CEP55: variants seen among roughly 807,000 people sequenced by gnomAD.
The protein encoded by CEP55 is centrosomal protein 55.
CEP55 carries 57 observed loss-of-function variants against 63.2 expected under a neutral mutation model. That is an observed-to-expected ratio of 0.90 (90% CI 0.73 to 1.13). The LOEUF (loss-of-function observed/expected upper bound fraction) is 1.13, where lower values mean the gene tolerates loss of function less well. Among genes scored for constraint, CEP55 ranks in the 50% most tolerant of loss-of-function variants. The probability of loss-of-function intolerance (pLI) is 0.00; values close to 1 mark genes in which losing one functional copy is unlikely to be tolerated. For missense variants in CEP55, 456 were observed against 518.9 expected (o/e 0.88, Z 1.18); for synonymous variants, 178 against 191.6 (o/e 0.93, Z 0.59).
intron 8 of CEP55, among the ~76,000 whole-genome samples, chr10:93,525,203 C>T (rs2057908850): frequency 6.6e-6 from 1 of 152,050 alleles, no homozygotes; most frequent in Admixed American, 6.6e-5. Context: ...ATCATCTCAG[C>T]CCAAAATCTC....
intron 1 of CEP55, among the ~76,000 whole-genome samples, chr10:93,497,170 T>C (rs2057578011): frequency 6.6e-6 from 1 of 152,272 alleles, no homozygotes; most frequent in Admixed American, 6.5e-5. Context: ...CGGCTTGTAA[T>C]TGAGGCCTTG....
chr10:93,504,819 A>AT (rs1564762037), intron 3 of CEP55, among the ~76,000 whole-genome samples: 1 of 152,062 alleles, frequency 6.6e-6, no homozygotes, highest in African/African-American at 2.4e-5. Flanking sequence ...ATTTTTATTT[A>AT]TTTTTTATTT....
chr10:93,527,912 C>A, intron 8 of CEP55, 38 bp from the exon 9 acceptor site: 1 of 1,557,718 alleles, frequency 6.4e-7, no homozygotes, highest in South Asian at 1.2e-5. Flanking sequence ...AACATTGGCC[C>A]TATTTACAAA....
At chr10:93,519,081 T>C in intron 7 of CEP55, 133 bp downstream of exon 7, 3 of 592,218 alleles carry the variant, frequency 5.1e-6, no homozygotes, top group African/African-American at 3.7e-5. Flanking sequence ...AATAAAAGTC[T>C]TTCTTCTTCA....
At chr10:93,516,198 T>G (rs1192315642) in intron 5 of CEP55, among the ~76,000 whole-genome samples, 11 of 152,192 alleles carry the variant, frequency 7.2e-5, no homozygotes, top group South Asian at 2.1e-4. Context: ...CTTAAAAGAC[T>G]GACAGTTTGG....
rs1229391185 is a variant in CEP55 at position 93,528,619 on chromosome 10, A to T, written c.*466A>T. ...GTCCATTGTTAAGAGGTGGTGATAG[A>T]TACTATTTTTTTTTTCATATTGTAT... On this transcript the variant is annotated 3_prime_UTR_variant, in exon 9 of 9. Coordinates refer to ENST00000371485, the MANE Select transcript of CEP55 (RefSeq NM_018131.5). 3 of 159,554 alleles carry T rather than the reference A, an allele frequency of 1.9e-5. No individual in the cohort carries two copies. Among genetic ancestry groups the T allele is most frequent in the African/African-American group, 7.3e-5 (3 of 41,260 alleles). 9.9% of individuals were successfully genotyped at this position (159,554 alleles called of 1,614,324 possible). A position where few individuals can be genotyped will look rare whatever the true frequency, so the allele number is the denominator to read the frequency against.
intron 1 of CEP55, among the ~76,000 whole-genome samples, chr10:93,498,282 C>A (rs1316545230): frequency 6.6e-6 from 1 of 152,134 alleles, no homozygotes; most frequent in Non-Finnish European, 1.5e-5. Context: ...GCCAGAGTTT[C>A]TGTGCAAAGG....
At chr10:93,515,228 C>T (rs768145052) in intron 4 of CEP55, among the ~76,000 whole-genome samples, 177 bp from the exon 5 acceptor site, 3 of 152,154 alleles carry the variant, frequency 2.0e-5, no homozygotes, top group African/African-American at 4.8e-5. Flanking sequence ...ACATAAACTA[C>T]GATGGTGTCA....
intron 1 of CEP55, among the ~76,000 whole-genome samples, chr10:93,497,669 G>GA (rs936092806): frequency 8.2e-6 from 1 of 121,236 alleles, no homozygotes; most frequent in African/African-American, 3.1e-5. Flanking sequence ...TTGAACAATT[G>GA]AAAAAATAAA....
At chr10:93,518,095 G>A (rs2057822226) in intron 6 of CEP55, among the ~76,000 whole-genome samples, 1 of 152,150 alleles carries the variant, frequency 6.6e-6, no homozygotes, top group Non-Finnish European at 1.5e-5. Flanking sequence ...AGTTGAGGGT[G>A]CTGGTGATGG....
chr10:93,513,895 C>T (rs2057774949), intron 4 of CEP55, among the ~76,000 whole-genome samples: 1 of 151,892 alleles, frequency 6.6e-6, no homozygotes, highest in Non-Finnish European at 1.5e-5. Context: ...AGGGCTCACC[C>T]TACTCCAGTA....
Position 93,500,336 on chromosome 10 carries a change from G to T in CEP55, c.183+102G>T, listed in dbSNP as rs536950670. The T allele has an allele frequency of 5.4e-5, 53 of 989,056 alleles. 1 individual carries two copies. The South Asian group carries it at 8.2e-4, about 15-fold the overall frequency. The allele number at this position is 989,056 out of a possible 1,614,324, so 61.3% of individuals were successfully genotyped here. On this transcript the variant is annotated intron_variant, in intron 2 of 8. Coordinates refer to ENST00000371485, the MANE Select transcript of CEP55 (RefSeq NM_018131.5). Reference sequence around the variant, plus strand: ...TTACTCTTGCCGTGTTCCCTGTCTTGTCCAGTTGATTAGTTTTGGAAAGCT... The same window carrying T: ...TTACTCTTGCCGTGTTCCCTGTCTTTTCCAGTTGATTAGTTTTGGAAAGCT...
intron 4 of CEP55, among the ~76,000 whole-genome samples, chr10:93,508,019 TTTGGTTTGAATACTTCTC>T (rs1467328567): frequency 6.6e-6 from 1 of 152,230 alleles, no homozygotes; most frequent in Non-Finnish European, 1.5e-5. Flanking sequence ...AGATGCTCTC[TTTGGTTTGAATACTTCTC>T]TTGAAACTAA....
At position 93,503,182 on chromosome 10, in the gene CEP55, C is replaced by T; in HGVS notation, c.253C>T (p.Gln85Ter). The T allele has an allele frequency of 1.2e-6, 2 of 1,613,992 alleles. No homozygotes were observed. Among genetic ancestry groups the T allele is most frequent in the South Asian group, 1.1e-5 (1 of 91,068 alleles). ...ACTCACAGAGAAGGACAAAGAAATA[C>T]AGCGACTGAGAGACCAACTGAAGGC... is the stretch of plus-strand genomic sequence containing the variant. The part of the protein sequence containing the change: ...YQLTEKDKEI[Q>*]RLRDQLKARY... Residue 85 changes from glutamine (Q) to a stop codon, truncating the protein, a stop_gained, in exon 3 of 9, where the codon CAG becomes TAG. Coordinates refer to ENST00000371485, the MANE Select transcript of CEP55 (RefSeq NM_018131.5). LOFTEE classifies it high-confidence loss of function.
chr10:93,527,781 T>C (rs974426235), intron 8 of CEP55, among the ~76,000 whole-genome samples, 169 bp from the exon 9 acceptor site: 6 of 151,668 alleles, frequency 4.0e-5, no homozygotes, highest in Non-Finnish European at 8.8e-5. Context: ...CTTAGGAGGC[T>C]GAGGTGAGAG....
intron 4 of CEP55, among the ~76,000 whole-genome samples, chr10:93,508,335 C>G (rs1344161866): frequency 6.6e-6 from 1 of 152,094 alleles, no homozygotes; most frequent in Non-Finnish European, 1.5e-5. Context: ...CATGTCTATC[C>G]TGATATAAGC....
intron 8 of CEP55, among the ~76,000 whole-genome samples, chr10:93,526,718 A>G (rs1265091202): frequency 1.3e-5 from 2 of 152,332 alleles, no homozygotes; most frequent in East Asian, 3.9e-4. Flanking sequence ...GATTAAGAAA[A>G]TGTGGCACAT....
chr10:93,515,163 C>T (rs955240826), intron 4 of CEP55, among the ~76,000 whole-genome samples: 4 of 152,168 alleles, frequency 2.6e-5, no homozygotes, highest in Non-Finnish European at 4.4e-5. Context: ...ATGACATATA[C>T]GCACACACAA....
rs749011860 is a variant in CEP55, at chr10:93,515,414, A to T, written c.538A>T (p.Lys180Ter). Residue 180 changes from lysine to a stop codon, truncating the protein, a stop_gained, in exon 5 of 9, where the codon AAA (lysine) becomes TAA (stop). Transcript: ENST00000371485. LOFTEE classifies it high-confidence loss of function. ...TCATCTTCCCATTAAGGCTCTGGAG[A>T]AAAATCAGCAGTGGCTCGTGTATGA... ...MEIQLKDALE[K>*]NQQWLVYDQQ... The T allele has an allele frequency of 3.1e-6, 5 of 1,593,494 alleles. No homozygotes were observed. Among genetic ancestry groups the T allele is most frequent in the Non-Finnish European group, 4.3e-6 (5 of 1,165,180 alleles).
Sources: allele counts gnomAD v4.1 joint callset (sites outside exome capture counted in the v4.1 genomes callset), GRCh38; gene constraint gnomAD v4.1.1; transcripts MANE v1.5; gene names NCBI Gene and HGNC (gene_info 2026-07-23, HGNC 2026-07-21).